SLCO1B3: variants seen among roughly 807,000 people sequenced by gnomAD.
SLCO1B3 encodes the protein solute carrier organic anion transporter family member 1B3.
Under a neutral mutation model 71.8 loss-of-function variants are expected in SLCO1B3, and 72 were observed. That is an observed-to-expected ratio of 1.00 (90% confidence interval 0.83 to 1.22). SLCO1B3 has a LOEUF of 1.22. SLCO1B3 is among the 50% of genes most tolerant of loss of function. The pLI, the probability that SLCO1B3 is intolerant of heterozygous loss-of-function variation, is 0.00. For synonymous variants in SLCO1B3, 298 were observed against 278.4 expected (o/e 1.07, Z -0.70); for missense variants, 911 against 819.7 (o/e 1.11, Z -1.36).
chr12:20,888,353 T>TG (rs1462200394), intron 13 of SLCO1B3, among the ~76,000 whole-genome samples: 1 of 152,056 alleles, frequency 6.6e-6, no homozygotes, highest in Non-Finnish European at 1.5e-5. Flanking sequence ...TCTATTTTTT[T>TG]TGTGACATAT....
intron 3 of SLCO1B3, among the ~76,000 whole-genome samples, chr12:20,847,025 T>C (rs1015524063): frequency 4.6e-5 from 7 of 152,164 alleles, no homozygotes; most frequent in African/African-American, 1.7e-4. Context: ...AGGTTGGTAG[T>C]TCACAATTTT....
intron 1 of SLCO1B3, among the ~76,000 whole-genome samples, chr12:20,811,733 C>T (rs963299119): frequency 2.6e-5 from 4 of 152,032 alleles, no homozygotes; most frequent in African/African-American, 9.7e-5. Flanking sequence ...ATTGTGTCCT[C>T]AACATTTATT....
intron 6 of SLCO1B3, among the ~76,000 whole-genome samples, chr12:20,861,501 A>T (rs966023120): frequency 6.6e-6 from 1 of 152,172 alleles, no homozygotes; most frequent in Non-Finnish European, 1.5e-5. Flanking sequence ...GTACAAATGG[A>T]TTATTGTATA....
intron 8 of SLCO1B3, among the ~76,000 whole-genome samples, chr12:20,865,092 A>G (rs1371162654): frequency 6.6e-6 from 1 of 152,122 alleles, no homozygotes; most frequent in Non-Finnish European, 1.5e-5. Flanking sequence ...TGTGTGAGCC[A>G]CGGGAAGCAC....
At chr12:20,900,686 G>T (rs1387715078) in intron 14 of SLCO1B3, among the ~76,000 whole-genome samples, 1 of 152,088 alleles carries the variant, frequency 6.6e-6, no homozygotes, top group Non-Finnish European at 1.5e-5. Context: ...GCTTTAGGAG[G>T]TATTAAAAAG....
chr12:20,848,183 A>G (rs757532642), intron 3 of SLCO1B3, among the ~76,000 whole-genome samples: 7 of 152,322 alleles, frequency 4.6e-5, no homozygotes, highest in Non-Finnish European at 8.8e-5. Flanking sequence ...AAAGATCTGA[A>G]CAGATACCTT....
chr12:20,908,548 C>A (rs1407120016), intron 15 of SLCO1B3, among the ~76,000 whole-genome samples: 1 of 152,178 alleles, frequency 6.6e-6, no homozygotes, highest in Non-Finnish European at 1.5e-5. Context: ...TCATCCTTTC[C>A]CAGTAATCCC....
intron 8 of SLCO1B3, among the ~76,000 whole-genome samples, chr12:20,868,188 C>T (rs897120136): frequency 1.3e-5 from 2 of 152,132 alleles, no homozygotes; most frequent in Non-Finnish European, 2.9e-5. Context: ...GCTAAAAAAG[C>T]ACTTGATAAA....
chr12:20,916,087 A>C lies in SLCO1B3; in HGVS notation c.1949A>C (p.Lys650Thr), dbSNP rs749497062. Residue 650 changes from lysine to threonine, a missense_variant, in exon 16 of 16, where the codon AAA becomes ACA. Transcript: ENST00000381545. ...YIVFIFAMKK[K>T]FQGKDTKASD... ...GTTTTCATTTTTGCTATGAAGAAAA[A>C]ATTTCAAGGAAAAGATACCAAGGCA... 1 of 1,613,286 alleles carries C rather than the reference A, an allele frequency of 6.2e-7. No homozygotes were observed. The highest frequency in any genetic ancestry group is 1.7e-5 in the Admixed American group (1 of 59,974).
chr12:20,866,948 G>C (rs1865384948), intron 8 of SLCO1B3, among the ~76,000 whole-genome samples: 1 of 152,100 alleles, frequency 6.6e-6, no homozygotes, highest in Non-Finnish European at 1.5e-5. Flanking sequence ...AAGAAGGCCT[G>C]AACAATAACT....
At chr12:20,854,326 G>T (rs1347143776) in intron 3 of SLCO1B3, among the ~76,000 whole-genome samples, 1 of 142,062 alleles carries the variant, frequency 7.0e-6, no homozygotes, top group Non-Finnish European at 1.6e-5. Context: ...TTATGTTACT[G>T]TCCATTTTTC....
At chr12:20,849,726 C>T (rs1242421503) in intron 3 of SLCO1B3, among the ~76,000 whole-genome samples, 1 of 108,202 alleles carries the variant, frequency 9.2e-6, no homozygotes, top group Non-Finnish European at 2.0e-5. Context: ...CACACACACA[C>T]ACACACACAC....
intron 13 of SLCO1B3, among the ~76,000 whole-genome samples, chr12:20,891,674 T>C (rs1045150025): frequency 1.3e-5 from 2 of 152,152 alleles, no homozygotes; most frequent in African/African-American, 4.8e-5. Flanking sequence ...CATAAGTTTG[T>C]ATGCATTCCA....
chr12:20,892,188 C>T (rs574590182), intron 13 of SLCO1B3, among the ~76,000 whole-genome samples: 1 of 152,074 alleles, frequency 6.6e-6, no homozygotes, highest in Admixed American at 6.5e-5. Context: ...GGCTATCTCT[C>T]CTTATTTTGA....
At chr12:20,855,462 C>G (rs1031596623) in intron 4 of SLCO1B3, among the ~76,000 whole-genome samples, 1 of 122,492 alleles carries the variant, frequency 8.2e-6, no homozygotes, top group Non-Finnish European at 2.0e-5. Context: ...TGTTGAAAAA[C>G]TCTGGTCCTA....
intron 15 of SLCO1B3, among the ~76,000 whole-genome samples, chr12:20,905,290 C>A (rs1235770429): frequency 6.6e-6 from 1 of 152,170 alleles, no homozygotes; most frequent in East Asian, 1.9e-4. Flanking sequence ...ATTAAGGTCT[C>A]TAAAATGTCC....
intron 9 of SLCO1B3, among the ~76,000 whole-genome samples, chr12:20,876,283 T>C (rs1012490064): frequency 2.0e-5 from 3 of 152,038 alleles, no homozygotes; most frequent in African/African-American, 7.2e-5. Context: ...AAGAGAATGA[T>C]CTGGCAGCTG....
intron 4 of SLCO1B3, among the ~76,000 whole-genome samples, chr12:20,855,760 TATA>T (rs1368596088): frequency 1.0e-4 from 15 of 150,592 alleles, no homozygotes; most frequent in African/African-American, 2.9e-4. Context: ...GAAAATATTA[TATA>T]ATAATTGAAA....
chr12:20,881,544 A>G (rs1445964275), intron 12 of SLCO1B3, among the ~76,000 whole-genome samples: 2 of 152,144 alleles, frequency 1.3e-5, no homozygotes, highest in Non-Finnish European at 2.9e-5. Flanking sequence ...GTTCACTTGA[A>G]TTCCCTATTC....
Sources: allele counts gnomAD v4.1 joint callset (sites outside exome capture counted in the v4.1 genomes callset), GRCh38; gene constraint gnomAD v4.1.1; transcripts MANE v1.5; gene names NCBI Gene and HGNC (gene_info 2026-07-23, HGNC 2026-07-21).